DSCAM: variants seen among roughly 807,000 people sequenced by gnomAD.
The protein encoded by DSCAM is DS cell adhesion molecule, also known as cell adhesion molecule DSCAM.
Under a neutral mutation model 217.7 loss-of-function variants are expected in DSCAM, and 47 were observed. That is an observed-to-expected ratio of 0.22 (90% CI 0.17 to 0.28). DSCAM has a LOEUF of 0.28. DSCAM is among the 10% of genes least tolerant of loss of function. The pLI is 1.00. For missense variants in DSCAM, 2,080 were observed against 2,618.3 expected (o/e 0.79, Z 4.49); for synonymous variants, 1,056 against 1,015.3 (o/e 1.04, Z -0.76).
At chr21:40,510,095 A>G (rs1013113296) in intron 3 of DSCAM, among the ~76,000 whole-genome samples, 2 of 152,200 alleles carry the variant, frequency 1.3e-5, no homozygotes, top group African/African-American at 4.8e-5. Flanking sequence ...ACTGCACTCC[A>G]GCCTGGTGAC....
chr21:40,161,534 C>A (rs771295775), intron 16 of DSCAM, among the ~76,000 whole-genome samples: 2 of 152,138 alleles, frequency 1.3e-5, no homozygotes, highest in Non-Finnish European at 2.9e-5. Context: ...GTACAGTGAA[C>A]ACACAAGACA....
chr21:40,645,475 T>C (rs1417296732), intron 3 of DSCAM, among the ~76,000 whole-genome samples: 3 of 152,210 alleles, frequency 2.0e-5, no homozygotes, highest in East Asian at 1.9e-4. Flanking sequence ...TTGGAACTGA[T>C]CCATATTTGT....
chr21:40,505,723 T>C (rs62225535), intron 3 of DSCAM, among the ~76,000 whole-genome samples: 13,232 of 152,258 alleles, frequency 0.087, 676 homozygotes, highest in Middle Eastern at 0.16. Flanking sequence ...GCCAATTAAA[T>C]TACTCTTTGG....
chr21:40,235,778 A>G (rs1237032187), intron 11 of DSCAM, among the ~76,000 whole-genome samples: 3 of 152,144 alleles, frequency 2.0e-5, no homozygotes, highest in Non-Finnish European at 4.4e-5. Flanking sequence ...TCAGAAAAAA[A>G]AAAAAATCAG....
At chr21:40,622,050 C>A (rs374364582) in intron 3 of DSCAM, among the ~76,000 whole-genome samples, 7 of 152,016 alleles carry the variant, frequency 4.6e-5, no homozygotes, top group Non-Finnish European at 8.8e-5. Context: ...ACTACCACCA[C>A]GATGACAAAA....
chr21:40,521,382 T>TAA (rs2076357591), intron 3 of DSCAM, among the ~76,000 whole-genome samples: 1 of 152,210 alleles, frequency 6.6e-6, no homozygotes, highest in Non-Finnish European at 1.5e-5. Flanking sequence ...CCACAGTGTG[T>TAA]AAGGGTTTCC....
chr21:40,433,639 A>G (rs1448066734), intron 3 of DSCAM, among the ~76,000 whole-genome samples: 1 of 152,224 alleles, frequency 6.6e-6, no homozygotes, highest in Non-Finnish European at 1.5e-5. Context: ...GGAAATGGCT[A>G]GCAAGAGACT....
intron 3 of DSCAM, among the ~76,000 whole-genome samples, chr21:40,452,751 A>G (rs1274283422): frequency 6.6e-6 from 1 of 152,006 alleles, no homozygotes; most frequent in African/African-American, 2.4e-5. Context: ...CATGATGCAA[A>G]CCATTCTCTA....
chr21:40,393,814 A>G (rs1260115330), intron 3 of DSCAM, among the ~76,000 whole-genome samples: 1 of 152,150 alleles, frequency 6.6e-6, no homozygotes, highest in African/African-American at 2.4e-5. Flanking sequence ...ATATTGTATG[A>G]ATGTTGCTAA....
intron 1 of DSCAM, among the ~76,000 whole-genome samples, chr21:40,757,679 C>T (rs1342757296): frequency 6.6e-6 from 1 of 152,160 alleles, no homozygotes; most frequent in Admixed American, 6.5e-5. Flanking sequence ...GATTTGAAGC[C>T]CAGACACTTA....
At chr21:40,131,577 C>G (rs1349729714) in intron 19 of DSCAM, among the ~76,000 whole-genome samples, 1 of 152,172 alleles carries the variant, frequency 6.6e-6, no homozygotes, top group African/African-American at 2.4e-5. Flanking sequence ...AGGTGCCCAC[C>G]ACCACACCTG....
chr21:40,563,933 T>C (rs1409142543), intron 3 of DSCAM, among the ~76,000 whole-genome samples: 1 of 152,090 alleles, frequency 6.6e-6, no homozygotes. Flanking sequence ...GAGCCTCCTA[T>C]GAAAAAGCAC....
intron 3 of DSCAM, among the ~76,000 whole-genome samples, chr21:40,442,505 A>C (rs974892414): frequency 8.0e-6 from 1 of 124,326 alleles, no homozygotes; most frequent in East Asian, 2.1e-4. Flanking sequence ...TAAGACCCCT[A>C]ATTTTTTTTT....
intron 3 of DSCAM, among the ~76,000 whole-genome samples, chr21:40,374,061 CA>C (rs2074926263): frequency 1.3e-5 from 2 of 151,920 alleles, no homozygotes; most frequent in South Asian, 4.2e-4. Context: ...TTTCAAATCA[CA>C]AAAAAAGGGA....
chr21:40,366,096 A>G (rs1410955916), intron 4 of DSCAM, among the ~76,000 whole-genome samples: 1 of 152,132 alleles, frequency 6.6e-6, no homozygotes, highest in Non-Finnish European at 1.5e-5. Flanking sequence ...CAGCTCAAAA[A>G]TTTTATTAGA....
At chr21:40,846,172 T>C (rs2092143698) in intron 1 of DSCAM, among the ~76,000 whole-genome samples, 1 of 152,134 alleles carries the variant, frequency 6.6e-6, no homozygotes, top group Admixed American at 6.5e-5. Context: ...AAATTACGTG[T>C]TTGAAAAATC....
chr21:40,498,628 ATG>A, intron 3 of DSCAM, among the ~76,000 whole-genome samples: 1 of 86,272 alleles, frequency 1.2e-5, no homozygotes, highest in South Asian at 4.0e-4. Flanking sequence ...TATATGCACT[ATG>A]TATATATATA....
At chr21:40,302,737 G>C (rs982190692) in intron 9 of DSCAM, among the ~76,000 whole-genome samples, 3 of 152,110 alleles carry the variant, frequency 2.0e-5, no homozygotes, top group African/African-American at 7.2e-5. Context: ...ATCCACATAG[G>C]CTGAGAGTAT....
intron 3 of DSCAM, among the ~76,000 whole-genome samples, chr21:40,477,987 AC>A (rs1323818814): frequency 1.3e-5 from 2 of 151,600 alleles, no homozygotes; most frequent in Non-Finnish European, 2.9e-5. Flanking sequence ...CCTGAGCCCC[AC>A]CCCCCATGCT....
Sources: allele counts gnomAD v4.1 joint callset (sites outside exome capture counted in the v4.1 genomes callset), GRCh38; gene constraint gnomAD v4.1.1; transcripts MANE v1.5; gene names NCBI Gene and HGNC (gene_info 2026-07-23, HGNC 2026-07-21).